LPP: variants seen among roughly 807,000 people sequenced by gnomAD.
LPP encodes LIM domain containing preferred translocation partner in lipoma.
Under a neutral mutation model 60.4 loss-of-function variants are expected in LPP, and 38 were observed. The observed-to-expected ratio is 0.63, with a 90% CI of 0.49 to 0.83. The LOEUF is 0.83. Among genes scored for constraint, LPP ranks in the 40% least tolerant of loss-of-function variants. The pLI is 0.00. For missense variants in LPP, 902 were observed against 783.6 expected, an observed-to-expected ratio of 1.15 and a Z score of -1.80; for synonymous variants, 328 against 290.8, an observed-to-expected ratio of 1.13 and a Z score of -1.30.
At chr3:188,423,945 A>G (rs1227642630) in intron 4 of LPP, among the ~76,000 whole-genome samples, 2 of 151,838 alleles carry the variant, frequency 1.3e-5, no homozygotes, top group Non-Finnish European at 2.9e-5. Flanking sequence ...GCTGTGCAGA[A>G]GCTCTTTAGT....
At chr3:188,872,549 A>C (rs1768387520) in intron 10 of LPP, 94 bp from the exon 11 acceptor site, 6 of 1,398,284 alleles carry the variant, frequency 4.3e-6, no homozygotes, top group Non-Finnish European at 6.0e-6. Flanking sequence ...AAGCAGGTAT[A>C]CCGACTCTCA....
chr3:188,448,721 T>C (rs1795910947), intron 4 of LPP, among the ~76,000 whole-genome samples: 1 of 152,168 alleles, frequency 6.6e-6, no homozygotes, highest in Non-Finnish European at 1.5e-5. Context: ...CCTGTGTATA[T>C]GGCAAATGGT....
intron 3 of LPP, among the ~76,000 whole-genome samples, chr3:188,351,298 T>C (rs1765758066): frequency 6.6e-6 from 1 of 152,154 alleles, no homozygotes; most frequent in East Asian, 1.9e-4. Context: ...GAAAGGAAGT[T>C]AAAACCTATC....
rs944518112 is a variant in LPP, at chr3:188,182,861, C to T, written c.-190+28609C>T. On this transcript the variant is annotated intron_variant, in intron 1 of 11. Coordinates refer to ENST00000617246, the MANE Select transcript of LPP (RefSeq NM_001375462.1). The surrounding 1 kb of genome is among the most constrained non-coding windows in gnomAD (Gnocchi z 4.4). ...CATACACACACATGCCCAGCCCTTA[C>T]TCCAGTCTAGAATCAAAATCTCTGA... Among the ~76,000 whole-genome samples the T allele has an allele frequency of 6.7e-6, 1 of 149,518 alleles. No homozygotes were observed. Among genetic ancestry groups the T allele is most frequent in the African/African-American group, 2.4e-5 (1 of 40,864 alleles).
Position 188,543,219 on chromosome 3 carries a change from A to G in LPP, c.429+18432A>G, listed in dbSNP as rs114392837. ...GAGATGTTGGTGGATTGGGGGATTG[A>G]GGGGTGGAGAGGCTTTTATATTTTT... On this transcript the variant is annotated intron_variant, in intron 6 of 11. Coordinates refer to ENST00000617246, the MANE Select transcript of LPP (RefSeq NM_001375462.1). Among the ~76,000 whole-genome samples, 1,033 of 152,188 alleles carry G rather than the reference A, an allele frequency of 6.8e-3. 14 individuals carry two copies. The highest frequency in any genetic ancestry group is 0.024 in the African/African-American group (990 of 41,532).
At chr3:188,509,806 T>C (rs943317528) in intron 5 of LPP, among the ~76,000 whole-genome samples, 3 of 151,194 alleles carry the variant, frequency 2.0e-5, no homozygotes, top group Non-Finnish European at 3.0e-5. Context: ...GATTCTCCTG[T>C]TTCAGCTTCC....
At chr3:188,792,867 G>T (rs1228171009) in intron 9 of LPP, among the ~76,000 whole-genome samples, 1 of 152,130 alleles carries the variant, frequency 6.6e-6, no homozygotes, top group Non-Finnish European at 1.5e-5. Flanking sequence ...AGAGTATGAG[G>T]TTAAGATGAT....
intron 1 of LPP, among the ~76,000 whole-genome samples, chr3:188,199,840 G>C (rs9829165): frequency 6.6e-6 from 1 of 151,608 alleles, no homozygotes; most frequent in Admixed American, 6.6e-5. Context: ...TCAGCCTCCC[G>C]AGTAGCTGGG....
chr3:188,240,366 T>TGCGA (rs2149446888), intron 2 of LPP, among the ~76,000 whole-genome samples: 1 of 147,494 alleles, frequency 6.8e-6, no homozygotes, highest in African/African-American at 2.7e-5. Context: ...TGTGTGTGTG[T>TGCGA]GTGTGTGTGT....
Position 188,885,019 on chromosome 3 carries a change from A to G in LPP, c.*10540A>G, listed in dbSNP as rs1183230668. On this transcript the variant is annotated 3_prime_UTR_variant, in exon 12 of 12. Coordinates refer to ENST00000617246, the MANE Select transcript of LPP (RefSeq NM_001375462.1). ...CCATGTTGTTTTCAAAAAACCTCCTAGAAAGTCTCCATGTATGCTCTAGAA... is the reference window on the plus strand; with the variant it reads ...CCATGTTGTTTTCAAAAAACCTCCTGGAAAGTCTCCATGTATGCTCTAGAA... The G allele has an allele frequency of 4.7e-6, 1 of 213,766 alleles. No individual in the cohort carries two copies. Among genetic ancestry groups the G allele is most frequent in the African/African-American group, 2.3e-5 (1 of 44,306 alleles). 13.2% of individuals were successfully genotyped at this position (213,766 alleles called of 1,614,324 possible).
In LPP at chr3:188,623,245, G is replaced by C. The variant is rs760904931; in HGVS notation, c.1113+13401G>C. On this transcript the variant is annotated intron_variant, in intron 7 of 11. Transcript: ENST00000617246. ...ACATTGGTTCATATAGCCTCAAAAA[G>C]TCTATGAAGATACTTTTTTTTTTTT... 2.1e-4 allele frequency among the ~76,000 whole-genome samples: 31 copies of C among 145,502 alleles called. 1 individual carries two copies. The highest frequency in any genetic ancestry group is 4.2e-4 in the Non-Finnish European group (28 of 67,134).
At position 188,293,404 on chromosome 3, in the gene LPP, A is replaced by T. The variant is rs897271239; in HGVS notation, c.-66-48259A>T. ...AGCTCTTTGTATACTGAAACAATAA[A>T]CTTACCATCTTGATGAGTTTTACAT... On this transcript the variant is annotated intron_variant, in intron 2 of 11. Transcript: ENST00000617246. Among the ~76,000 whole-genome samples the T allele has an allele frequency of 4.6e-5, 7 of 152,346 alleles. No individual in the cohort carries two copies. The East Asian group carries it at 1.4e-3, about 29-fold the overall frequency.
intron 2 of LPP, among the ~76,000 whole-genome samples, chr3:188,252,067 T>C (rs1210646186): frequency 1.9e-5 from 2 of 105,188 alleles, no homozygotes; most frequent in South Asian, 3.1e-4. Context: ...TATATATATA[T>C]ATATATATAC....
At chr3:188,622,202 TG>T in intron 7 of LPP, among the ~76,000 whole-genome samples, 1 of 152,256 alleles carries the variant, frequency 6.6e-6, no homozygotes, top group Middle Eastern at 3.4e-3. Context: ...TTCACACCAG[TG>T]TCACTCATCT....
chr3:188,203,360 AT>A (rs1468563854), intron 1 of LPP, among the ~76,000 whole-genome samples: 1 of 105,258 alleles, frequency 9.5e-6, no homozygotes, highest in Admixed American at 1.4e-4. Context: ...ATATACATAT[AT>A]TTATATAAAT....
At chr3:188,615,702 T>C (rs1392667131) in intron 7 of LPP, among the ~76,000 whole-genome samples, 1 of 152,156 alleles carries the variant, frequency 6.6e-6, no homozygotes, top group Non-Finnish European at 1.5e-5. Flanking sequence ...ACCTGCTAGA[T>C]GTCATCTCAT....
chr3:188,433,050 G>C (rs1342637385), intron 4 of LPP, among the ~76,000 whole-genome samples: 1 of 152,190 alleles, frequency 6.6e-6, no homozygotes, highest in African/African-American at 2.4e-5. Context: ...TTGCCAAGAA[G>C]CTATTTAGTG....
intron 4 of LPP, among the ~76,000 whole-genome samples, chr3:188,478,182 A>G (rs1803733808): frequency 6.6e-6 from 1 of 152,116 alleles, no homozygotes; most frequent in African/African-American, 2.4e-5. Flanking sequence ...TCCTCCTCTG[A>G]GTGATCAAGT....
chr3:188,494,399 A>G (rs948729997), intron 5 of LPP, among the ~76,000 whole-genome samples: 1 of 152,162 alleles, frequency 6.6e-6, no homozygotes, highest in Non-Finnish European at 1.5e-5. Flanking sequence ...TTTGCTTCTC[A>G]ATGACACACT....
Sources: gnomAD v4.1 joint callset for allele counts (sites outside exome capture counted in the v4.1 genomes callset) on GRCh38, gnomAD v4.1.1 for gene constraint, Gnocchi (gnomAD v3.1) non-coding constraint, MANE v1.5 for transcripts, NCBI Gene and HGNC (gene_info 2026-07-23, HGNC 2026-07-21) for gene names.